Variants in PXDNL observed in about 807,000 individuals in gnomAD.
PXDNL encodes peroxidasin like.
A neutral mutation model predicts 150.8 loss-of-function variants in PXDNL; 145 were observed. That is an observed-to-expected ratio of 0.96 (90% CI 0.84 to 1.10). The LOEUF is 1.10. PXDNL is among the 50% of genes least tolerant of loss of function. PXDNL has a pLI of 0.00. For missense variants in PXDNL, 2,087 were observed against 1,873.9 expected (o/e 1.11, Z -2.10); for synonymous variants, 757 against 725.7 (o/e 1.04, Z -0.69).
chr8:51,430,366 C>T (rs1454793957), intron 12 of PXDNL, among the ~76,000 whole-genome samples: 1 of 152,160 alleles, frequency 6.6e-6, no homozygotes, highest in African/African-American at 2.4e-5. Flanking sequence ...GGATGAATCC[C>T]AAGCGGCTAA....
At chr8:51,441,130 C>T (rs1270962901) in intron 12 of PXDNL, among the ~76,000 whole-genome samples, 4 of 152,094 alleles carry the variant, frequency 2.6e-5, no homozygotes, top group African/African-American at 4.8e-5. Context: ...TGAGTTCTCA[C>T]GAGATCTGAT....
intron 5 of PXDNL, among the ~76,000 whole-genome samples, chr8:51,493,062 C>G (rs1280827309): frequency 2.0e-5 from 3 of 152,138 alleles, no homozygotes; most frequent in Non-Finnish European, 4.4e-5. Flanking sequence ...CTCACACGGC[C>G]AGGTACTCCT....
chr8:51,692,788 T>G (rs1403364239), intron 1 of PXDNL, among the ~76,000 whole-genome samples: 3 of 152,238 alleles, frequency 2.0e-5, no homozygotes, highest in Admixed American at 6.5e-5. Flanking sequence ...CTTCTCCCAC[T>G]GAAAATACTC....
In PXDNL at chr8:51,793,839, G is replaced by A. The variant is rs542069736; in HGVS notation, c.164+15342C>T. 4.6e-5 allele frequency among the ~76,000 whole-genome samples: 7 copies of A among 152,102 alleles called. No homozygotes were observed. The East Asian group carries it at 1.4e-3, about 29-fold the overall frequency. On this transcript the variant is annotated intron_variant, in intron 1 of 22. Transcript: ENST00000356297. Reference sequence around the variant, plus strand: ...ATCTGGGAGGCAGAGGCTGCAATGAGCCAAGATCATGCCACTGCACTACCC... The same window carrying A: ...ATCTGGGAGGCAGAGGCTGCAATGAACCAAGATCATGCCACTGCACTACCC...
intron 4 of PXDNL, among the ~76,000 whole-genome samples, chr8:51,501,091 C>T (rs1304347063): frequency 6.6e-6 from 1 of 152,104 alleles, no homozygotes; most frequent in Non-Finnish European, 1.5e-5. Flanking sequence ...AGAAGCAGTG[C>T]CACACTGTAC....
At chr8:51,740,268 T>G (rs2036889899) in intron 1 of PXDNL, among the ~76,000 whole-genome samples, 1 of 152,246 alleles carries the variant, frequency 6.6e-6, no homozygotes, top group Non-Finnish European at 1.5e-5. Flanking sequence ...TCCTTGCTAG[T>G]GTGAATAGTG....
chr8:51,735,613 C>T (rs1261023364), intron 1 of PXDNL, among the ~76,000 whole-genome samples: 1 of 119,716 alleles, frequency 8.4e-6, no homozygotes, highest in Non-Finnish European at 1.7e-5. Flanking sequence ...GTGGCGGGAT[C>T]TCGGCTCACT....
intron 4 of PXDNL, among the ~76,000 whole-genome samples, chr8:51,536,746 C>A (rs1462100317): frequency 6.6e-6 from 1 of 151,988 alleles, no homozygotes; most frequent in Non-Finnish European, 1.5e-5. Context: ...ATATTTGCTG[C>A]AACACTAAAT....
intron 4 of PXDNL, among the ~76,000 whole-genome samples, chr8:51,533,214 A>C (rs6473616): frequency 1.8e-4 from 28 of 151,994 alleles, no homozygotes; most frequent in African/African-American, 6.3e-4. Flanking sequence ...ACAGTGGCGC[A>C]ATCTCAGCTC....
chr8:51,483,610 G>A (rs1810653313), intron 6 of PXDNL, 33 bp downstream of exon 6: 2 of 1,316,208 alleles, frequency 1.5e-6, no homozygotes, highest in South Asian at 2.6e-5. Flanking sequence ...AATTATAAAA[G>A]GTTTTTGTGT....
At chr8:51,628,054 C>G (rs1282828894) in intron 2 of PXDNL, among the ~76,000 whole-genome samples, 3 of 152,086 alleles carry the variant, frequency 2.0e-5, no homozygotes, top group Non-Finnish European at 4.4e-5. Flanking sequence ...CAGCAAAAGC[C>G]TAGAAGGAAA....
chr8:51,786,988 AT>A (rs768046312), intron 1 of PXDNL, among the ~76,000 whole-genome samples: 82 of 152,174 alleles, frequency 5.4e-4, no homozygotes, highest in Non-Finnish European at 1.1e-3. Flanking sequence ...ATGATGCTAA[AT>A]CTACTTAGCC....
At chr8:51,625,290 A>G (rs1249197519) in intron 2 of PXDNL, among the ~76,000 whole-genome samples, 1 of 151,734 alleles carries the variant, frequency 6.6e-6, no homozygotes, top group Non-Finnish European at 1.5e-5. Context: ...TCTTCAATAG[A>G]GAAAAAAGCG....
chr8:51,609,915 T>C (rs1043726496), intron 2 of PXDNL, among the ~76,000 whole-genome samples: 2 of 152,174 alleles, frequency 1.3e-5, no homozygotes, highest in Non-Finnish European at 2.9e-5. Context: ...AGCAGGGGGT[T>C]CTCTGTCCCA....
At chr8:51,508,035 T>A (rs1046327977) in intron 4 of PXDNL, among the ~76,000 whole-genome samples, 3 of 151,876 alleles carry the variant, frequency 2.0e-5, no homozygotes, top group Non-Finnish European at 4.4e-5. Flanking sequence ...ATTAAAGGGG[T>A]GCCAAATAAG....
At chr8:51,474,746 A>C (rs185690848) in intron 7 of PXDNL, among the ~76,000 whole-genome samples, 134 of 152,316 alleles carry the variant, frequency 8.8e-4, no homozygotes, top group Non-Finnish European at 1.7e-3. Flanking sequence ...AATTAGATTA[A>C]ATCTTCCTCA....
At chr8:51,434,283 T>C (rs1179446369) in intron 12 of PXDNL, among the ~76,000 whole-genome samples, 1 of 152,216 alleles carries the variant, frequency 6.6e-6, no homozygotes, top group African/African-American at 2.4e-5. Flanking sequence ...TGATTTGCCT[T>C]TTTTCTCTGA....
chr8:51,758,815 C>T (rs1039429439), intron 1 of PXDNL, among the ~76,000 whole-genome samples: 6 of 152,114 alleles, frequency 3.9e-5, no homozygotes, highest in African/African-American at 1.2e-4. Flanking sequence ...CAGGTCTCTA[C>T]AGAAGTGTAA....
intron 2 of PXDNL, among the ~76,000 whole-genome samples, chr8:51,629,198 T>C (rs1814435209): frequency 6.6e-6 from 1 of 151,708 alleles, no homozygotes; most frequent in African/African-American, 2.4e-5. Context: ...AAATAGAAAG[T>C]ATGTAAAGGA....
Sources: gnomAD v4.1 joint callset for allele counts (sites outside exome capture counted in the v4.1 genomes callset) on GRCh38, gnomAD v4.1.1 for gene constraint, MANE v1.5 for transcripts, NCBI Gene and HGNC (gene_info 2026-07-23, HGNC 2026-07-21) for gene names.